KCNH7: variants seen among roughly 807,000 people sequenced by gnomAD.
KCNH7 encodes the protein potassium voltage-gated channel subfamily H member 7.
In KCNH7, 49 loss-of-function variants were observed where a neutral mutation model predicts 120.8. The ratio of observed to expected loss-of-function variants is 0.41; its 90% confidence interval spans 0.32 to 0.51. The LOEUF (loss-of-function observed/expected upper bound fraction) is 0.51. KCNH7 is among the 20% of genes least tolerant of loss of function. The pLI, the probability that KCNH7 is intolerant of heterozygous loss-of-function variation, is 0.38. For synonymous variants in KCNH7, 547 were observed against 516.1 expected (o/e 1.06, Z -0.81); for missense variants, 1,097 against 1,446.6 (o/e 0.76, Z 3.92).
intron 6 of KCNH7, among the ~76,000 whole-genome samples, chr2:162,499,097 G>A (rs1026887354): frequency 6.6e-6 from 1 of 151,930 alleles, no homozygotes; most frequent in Non-Finnish European, 1.5e-5. Context: ...CAGGGAGAGT[G>A]GTCTAATACA....
In KCNH7 at chr2:162,464,363, A is replaced by G. The variant is rs374364773; in HGVS notation, c.1129-17920T>C. Among the ~76,000 whole-genome samples the G allele has an allele frequency of 3.0e-4, 46 of 152,112 alleles. No individual in the cohort carries two copies. The East Asian group carries it at 4.8e-3, about 16-fold the overall frequency. ...GCTTTGACATTTTTAGATAAAAACTACAAGGACTTTTTATGTCTATCCATG... is the reference window on the plus strand; with the variant it reads ...GCTTTGACATTTTTAGATAAAAACTGCAAGGACTTTTTATGTCTATCCATG... On this transcript the variant is annotated intron_variant, in intron 6 of 15. Coordinates refer to ENST00000332142, the MANE Select transcript of KCNH7 (RefSeq NM_033272.4).
chr2:162,735,279 G>A (rs1388806689), intron 2 of KCNH7, among the ~76,000 whole-genome samples: 4 of 152,144 alleles, frequency 2.6e-5, no homozygotes, highest in Non-Finnish European at 1.5e-5. Flanking sequence ...TAAACTCTGA[G>A]GCAAAGGAAA....
intron 2 of KCNH7, among the ~76,000 whole-genome samples, chr2:162,582,345 C>A (rs1411569881): frequency 6.6e-6 from 1 of 152,026 alleles, no homozygotes. Flanking sequence ...ATCCCATACT[C>A]TTTTATATGG....
chr2:162,624,889 G>GTTTTTTTTTTTTTTTTTTTTTTTTTTT (rs66562676), intron 2 of KCNH7, among the ~76,000 whole-genome samples: 1 of 69,716 alleles, frequency 1.4e-5, no homozygotes. Context: ...TGCACTCTTG[G>GTTTTTTTTTTTTTTTTTTTTTTTTTTT]TTTTTTTTTT....
intron 2 of KCNH7, among the ~76,000 whole-genome samples, chr2:162,596,478 G>T (rs1559035988): frequency 6.6e-6 from 1 of 151,984 alleles, no homozygotes; most frequent in Non-Finnish European, 1.5e-5. Flanking sequence ...TTTAGTAAAT[G>T]TTGTTGGAAA....
chr2:162,576,132 G>A (rs1475114915), intron 2 of KCNH7, among the ~76,000 whole-genome samples: 1 of 152,000 alleles, frequency 6.6e-6, no homozygotes, highest in Non-Finnish European at 1.5e-5. Flanking sequence ...TGCATACCAA[G>A]TAACTTGTAT....
chr2:162,818,490 C>T (rs926597713), intron 2 of KCNH7, among the ~76,000 whole-genome samples: 1 of 152,172 alleles, frequency 6.6e-6, no homozygotes, highest in East Asian at 1.9e-4. Context: ...TATGGCTTTA[C>T]AGTAATTCTT....
At chr2:162,434,503 C>T (rs961962066) in intron 8 of KCNH7, among the ~76,000 whole-genome samples, 2 of 151,906 alleles carry the variant, frequency 1.3e-5, no homozygotes, top group Non-Finnish European at 2.9e-5. Flanking sequence ...GGCTCCGCAG[C>T]GTTATTAAAA....
intron 2 of KCNH7, among the ~76,000 whole-genome samples, chr2:162,666,038 G>C (rs1189579956): frequency 1.3e-5 from 2 of 152,044 alleles, no homozygotes; most frequent in African/African-American, 2.4e-5. Context: ...TTTTAGTGTA[G>C]ATTAAGAGAA....
At chr2:162,527,043 C>A (rs567365743) in intron 3 of KCNH7, among the ~76,000 whole-genome samples, 3 of 152,096 alleles carry the variant, frequency 2.0e-5, no homozygotes, top group Admixed American at 2.0e-4. Flanking sequence ...CGTTCGGGGT[C>A]CCTGACTTCC....
intron 9 of KCNH7, among the ~76,000 whole-genome samples, chr2:162,409,443 T>G (rs1573924568): frequency 6.6e-6 from 1 of 151,810 alleles, no homozygotes; most frequent in Non-Finnish European, 1.5e-5. Context: ...AACCAGATGA[T>G]TTTACAACTG....
chr2:162,604,323 G>C (rs751144117), intron 2 of KCNH7, among the ~76,000 whole-genome samples: 3 of 151,786 alleles, frequency 2.0e-5, no homozygotes, highest in African/African-American at 7.3e-5. Context: ...TTTTCAATAC[G>C]GTTCAATAAT....
intron 2 of KCNH7, among the ~76,000 whole-genome samples, chr2:162,567,212 A>G (rs189507433): frequency 6.6e-6 from 1 of 152,188 alleles, no homozygotes; most frequent in East Asian, 1.9e-4. Context: ...ATAACTCTTT[A>G]TACTCTATCT....
chr2:162,401,320 C>T (rs535164039), intron 9 of KCNH7, among the ~76,000 whole-genome samples: 15 of 151,844 alleles, frequency 9.9e-5, no homozygotes, highest in Admixed American at 3.3e-4. Context: ...TTTTGGGTGG[C>T]GTATGTAGAT....
At chr2:162,772,455 A>G (rs1683090687) in intron 2 of KCNH7, among the ~76,000 whole-genome samples, 1 of 152,198 alleles carries the variant, frequency 6.6e-6, no homozygotes, top group Non-Finnish European at 1.5e-5. Context: ...TCCCCATGAC[A>G]ATAACTCTGT....
intron 2 of KCNH7, among the ~76,000 whole-genome samples, chr2:162,811,778 C>CATGATTAG (rs1441160231): frequency 6.6e-6 from 1 of 152,170 alleles, no homozygotes; most frequent in East Asian, 1.9e-4. Flanking sequence ...AAGAAGACTT[C>CATGATTAG]ATGATTAGAA....
chr2:162,469,988 C>G (rs557510675), intron 6 of KCNH7, among the ~76,000 whole-genome samples: 1 of 152,246 alleles, frequency 6.6e-6, no homozygotes, highest in Non-Finnish European at 1.5e-5. Flanking sequence ...GGATTGCAGA[C>G]GGAGTCTCGT....
chr2:162,732,129 GCA>G (rs926030001), intron 2 of KCNH7, among the ~76,000 whole-genome samples: 1 of 152,060 alleles, frequency 6.6e-6, no homozygotes, highest in African/African-American at 2.4e-5. Flanking sequence ...GGAGCAAGAT[GCA>G]CTGGCAGTGG....
At chr2:162,663,000 A>G in intron 2 of KCNH7, among the ~76,000 whole-genome samples, 1 of 152,164 alleles carries the variant, frequency 6.6e-6, no homozygotes, top group Admixed American at 6.5e-5. Flanking sequence ...GCCTTATTTA[A>G]TAGGTGAGAA....
Sources: allele counts gnomAD v4.1 joint callset (sites outside exome capture counted in the v4.1 genomes callset), GRCh38; gene constraint gnomAD v4.1.1; transcripts MANE v1.5; gene names NCBI Gene and HGNC (gene_info 2026-07-23, HGNC 2026-07-21).